HPSE2: variants seen among roughly 807,000 people sequenced by gnomAD.
HPSE2 encodes the protein inactive heparanase-2.
In HPSE2, 38 loss-of-function variants were observed where a neutral mutation model predicts 60.5. That is an observed-to-expected ratio of 0.63 (90% CI 0.48 to 0.82). The LOEUF (loss-of-function observed/expected upper bound fraction) is 0.82. Among genes scored for constraint, HPSE2 ranks in the 40% least tolerant of loss-of-function variants. The pLI is 0.00. For missense variants in HPSE2, 713 were observed against 740.4 expected (o/e 0.96, Z 0.43); for synonymous variants, 295 against 293.2 (o/e 1.01, Z -0.06).
intron 3 of HPSE2, among the ~76,000 whole-genome samples, chr10:98,839,076 T>C (rs1048263044): frequency 6.6e-6 from 1 of 152,244 alleles, no homozygotes; most frequent in African/African-American, 2.4e-5. Flanking sequence ...AGTATGTCTT[T>C]ACTAATGTAG....
intron 2 of HPSE2, among the ~76,000 whole-genome samples, chr10:99,217,002 A>G (rs1282091678): frequency 1.3e-5 from 2 of 152,138 alleles, no homozygotes; most frequent in Non-Finnish European, 2.9e-5. Flanking sequence ...AAAATAACCC[A>G]TAACAGTTTA....
chr10:99,155,380 G>C (rs1277660142), intron 2 of HPSE2, among the ~76,000 whole-genome samples: 1 of 146,918 alleles, frequency 6.8e-6, no homozygotes, highest in Non-Finnish European at 1.5e-5. Flanking sequence ...AAATGTAAAA[G>C]AACAGAGATT....
chr10:98,610,484 T>C (rs1395690518), intron 9 of HPSE2, among the ~76,000 whole-genome samples: 3 of 152,144 alleles, frequency 2.0e-5, no homozygotes, highest in African/African-American at 7.2e-5. Context: ...ACTAGTGAAT[T>C]GTACTCCAAT....
At chr10:99,138,450 A>G (rs1845743793) in intron 3 of HPSE2, among the ~76,000 whole-genome samples, 1 of 152,214 alleles carries the variant, frequency 6.6e-6, no homozygotes, top group Non-Finnish European at 1.5e-5. Context: ...ACACATGTTT[A>G]TTGTGGCACT....
intron 7 of HPSE2, among the ~76,000 whole-genome samples, chr10:98,626,777 T>A (rs1277064045): frequency 7.6e-6 from 1 of 131,658 alleles, no homozygotes; most frequent in Non-Finnish European, 1.5e-5. Flanking sequence ...ATTATTTTTC[T>A]TTTTTTTTTT....
intron 2 of HPSE2, among the ~76,000 whole-genome samples, chr10:99,201,362 C>A (rs1848571167): frequency 6.6e-6 from 1 of 152,086 alleles, no homozygotes; most frequent in Non-Finnish European, 1.5e-5. Flanking sequence ...TTTGGTCCTT[C>A]TAACCTAGGC....
At chr10:98,913,311 G>C (rs942241708) in intron 3 of HPSE2, among the ~76,000 whole-genome samples, 1 of 152,156 alleles carries the variant, frequency 6.6e-6, no homozygotes, top group Non-Finnish European at 1.5e-5. Flanking sequence ...GATGATTAAA[G>C]TCACTGTTCC....
intron 6 of HPSE2, among the ~76,000 whole-genome samples, chr10:98,642,537 C>T (rs1276863253): frequency 6.6e-6 from 1 of 152,144 alleles, no homozygotes; most frequent in African/African-American, 2.4e-5. Flanking sequence ...GATGAATGTA[C>T]AAAGGTGGAA....
intron 9 of HPSE2, among the ~76,000 whole-genome samples, chr10:98,536,586 C>A (rs1302193854): frequency 2.0e-5 from 3 of 152,082 alleles, no homozygotes; most frequent in African/African-American, 7.2e-5. Flanking sequence ...CATCTAAGGC[C>A]AAGGGAAACA....
intron 5 of HPSE2, among the ~76,000 whole-genome samples, chr10:98,717,659 C>T (rs1217612809): frequency 6.6e-6 from 1 of 151,940 alleles, no homozygotes; most frequent in Non-Finnish European, 1.5e-5. Context: ...ATTAAGTTTG[C>T]CATCTTATAG....
At chr10:98,843,259 T>A (rs1201365803) in intron 3 of HPSE2, among the ~76,000 whole-genome samples, 1 of 152,144 alleles carries the variant, frequency 6.6e-6, no homozygotes, top group Non-Finnish European at 1.5e-5. Flanking sequence ...TGCGTTCTCA[T>A]CATTTAGCTC....
intron 3 of HPSE2, among the ~76,000 whole-genome samples, chr10:99,032,820 T>G (rs1957527500): frequency 6.6e-6 from 1 of 152,200 alleles, no homozygotes. Context: ...TCCTCCATCC[T>G]CAAAGCCAGC....
At chr10:98,864,987 A>G (rs1024237077) in intron 3 of HPSE2, among the ~76,000 whole-genome samples, 6 of 152,150 alleles carry the variant, frequency 3.9e-5, no homozygotes, top group African/African-American at 1.4e-4. Context: ...GCAGGCAGCA[A>G]TGATATGTAA....
chr10:99,067,291 C>A (rs1211474652), intron 3 of HPSE2, among the ~76,000 whole-genome samples: 1 of 152,178 alleles, frequency 6.6e-6, no homozygotes, highest in African/African-American at 2.4e-5. Flanking sequence ...ATTCTGGGGT[C>A]TGGAGGATGG....
chr10:99,167,001 T>TGTTTG, intron 2 of HPSE2, among the ~76,000 whole-genome samples: 1 of 150,240 alleles, frequency 6.7e-6, no homozygotes, highest in African/African-American at 2.5e-5. Context: ...TTTCTTTCCT[T>TGTTTG]TTTGTTTGTT....
intron 3 of HPSE2, among the ~76,000 whole-genome samples, chr10:98,809,324 T>C (rs758155119): frequency 6.6e-6 from 1 of 152,098 alleles, no homozygotes; most frequent in African/African-American, 2.4e-5. Flanking sequence ...CTTTTTTGCA[T>C]ATGTTTAAAA....
At chr10:98,802,522 C>G (rs997734631) in intron 3 of HPSE2, among the ~76,000 whole-genome samples, 1 of 136,608 alleles carries the variant, frequency 7.3e-6, no homozygotes, top group African/African-American at 2.8e-5. Flanking sequence ...TTCCTGTGTC[C>G]ATGTGTTCTC....
At chr10:99,057,927 C>T (rs1477400087) in intron 3 of HPSE2, among the ~76,000 whole-genome samples, 1 of 148,838 alleles carries the variant, frequency 6.7e-6, no homozygotes, top group East Asian at 2.0e-4. Context: ...TAAAAAAAAA[C>T]AGATGTCTTC....
At chr10:98,576,386 A>G (rs1034678498) in intron 9 of HPSE2, among the ~76,000 whole-genome samples, 1 of 152,168 alleles carries the variant, frequency 6.6e-6, no homozygotes, top group African/African-American at 2.4e-5. Flanking sequence ...ATACAGTTTA[A>G]TATCTTTTTT....
Sources: allele counts gnomAD v4.1 joint callset (sites outside exome capture counted in the v4.1 genomes callset), GRCh38; gene constraint gnomAD v4.1.1; transcripts MANE v1.5; gene names NCBI Gene and HGNC (gene_info 2026-07-23, HGNC 2026-07-21).